PTPRT: variants seen among roughly 807,000 people sequenced by gnomAD.
PTPRT encodes receptor-type tyrosine-protein phosphatase T.
PTPRT carries 56 observed loss-of-function variants against 176.8 expected under a neutral mutation model. The observed-to-expected ratio is 0.32, with a 90% confidence interval of 0.26 to 0.40. The LOEUF is 0.40. PTPRT is among the 10% of genes least tolerant of loss of function. The pLI is 1.00. For synonymous variants in PTPRT, 783 were observed against 739.0 expected, an observed-to-expected ratio of 1.06 and a Z score of -0.96; for missense variants, 1,540 against 1,908.2, an observed-to-expected ratio of 0.81 and a Z score of 3.60.
At chr20:42,316,125 C>A (rs1568767931) in intron 11 of PTPRT, 129 bp from the exon 12 acceptor site, 1 of 1,042,314 alleles carries the variant, frequency 9.6e-7, no homozygotes, top group Non-Finnish European at 1.4e-6. Context: ...AAACTCCAGT[C>A]CTGAGCATCA....
intron 1 of PTPRT, among the ~76,000 whole-genome samples, chr20:42,922,681 G>A (rs1346706972): frequency 6.6e-6 from 1 of 152,100 alleles, no homozygotes; most frequent in African/African-American, 2.4e-5. Context: ...TGTCCTACAG[G>A]AATCTTGATT....
chr20:42,571,887 A>G (rs898301241), intron 7 of PTPRT, among the ~76,000 whole-genome samples: 1 of 152,164 alleles, frequency 6.6e-6, no homozygotes, highest in African/African-American at 2.4e-5. Context: ...GCCTCTTGGC[A>G]GCCACAGCTT....
intron 13 of PTPRT, chr20:42,270,493 G>T: frequency 6.5e-7 from 1 of 1,537,896 alleles, no homozygotes; most frequent in Non-Finnish European, 8.8e-7. Flanking sequence ...GCATGCAGAA[G>T]AGAAGGAGAG....
intron 7 of PTPRT, among the ~76,000 whole-genome samples, chr20:42,553,671 A>C (rs6016824): frequency 6.6e-6 from 1 of 151,746 alleles, no homozygotes; most frequent in African/African-American, 2.4e-5. Flanking sequence ...ACTTTTACAC[A>C]CACCTTTTTA....
intron 1 of PTPRT, among the ~76,000 whole-genome samples, chr20:43,013,655 C>T (rs1985237814): frequency 6.6e-6 from 1 of 152,166 alleles, no homozygotes; most frequent in Non-Finnish European, 1.5e-5. Flanking sequence ...ACAGGATAAG[C>T]ACTCCTTGAA....
chr20:42,751,721 T>G (rs1000510344), intron 6 of PTPRT, among the ~76,000 whole-genome samples: 2 of 152,104 alleles, frequency 1.3e-5, no homozygotes, highest in Non-Finnish European at 2.9e-5. Flanking sequence ...GGCCTCAACT[T>G]CTTTGGCTTT....
At chr20:42,952,385 C>T (rs556867378) in intron 1 of PTPRT, among the ~76,000 whole-genome samples, 41 of 152,274 alleles carry the variant, frequency 2.7e-4, no homozygotes, top group Middle Eastern at 3.4e-3. Flanking sequence ...ACAGTGAGAA[C>T]AAAAATAAGA....
chr20:43,010,695 C>T (rs1051585153), intron 1 of PTPRT, among the ~76,000 whole-genome samples: 10 of 148,526 alleles, frequency 6.7e-5, no homozygotes, highest in Admixed American at 1.3e-4. Flanking sequence ...GCATCAGCTA[C>T]GAACACAGAG....
chr20:42,765,137 T>A (rs2076965086), intron 5 of PTPRT, among the ~76,000 whole-genome samples: 1 of 152,176 alleles, frequency 6.6e-6, no homozygotes, highest in Non-Finnish European at 1.5e-5. Flanking sequence ...CCTACAGAGA[T>A]CTGCACAGGG....
intron 2 of PTPRT, among the ~76,000 whole-genome samples, chr20:42,801,626 CA>C (rs1466113226): frequency 6.6e-6 from 1 of 152,104 alleles, no homozygotes; most frequent in African/African-American, 2.4e-5. Context: ...TCTAAAGAGC[CA>C]TTACAGGAAT....
chr20:42,837,814 G>A (rs1311733402), intron 2 of PTPRT, among the ~76,000 whole-genome samples: 1 of 152,108 alleles, frequency 6.6e-6, no homozygotes, highest in Non-Finnish European at 1.5e-5. Context: ...TGGTGGCAAA[G>A]GAGAAAATAG....
chr20:42,683,038 A>G (rs1250972069), intron 6 of PTPRT, among the ~76,000 whole-genome samples: 1 of 152,140 alleles, frequency 6.6e-6, no homozygotes, highest in Non-Finnish European at 1.5e-5. Flanking sequence ...AGGTGAGTGT[A>G]ACCTAGCCTC....
At chr20:42,987,652 C>T (rs1006227905) in intron 1 of PTPRT, among the ~76,000 whole-genome samples, 7 of 152,116 alleles carry the variant, frequency 4.6e-5, no homozygotes, top group Non-Finnish European at 8.8e-5. Context: ...ACCCCTCCCC[C>T]ACAGTTTCCT....
chr20:42,800,904 C>T (rs2077521243), intron 2 of PTPRT, among the ~76,000 whole-genome samples: 1 of 152,156 alleles, frequency 6.6e-6, no homozygotes, highest in Non-Finnish European at 1.5e-5. Flanking sequence ...CCCTTCCCCT[C>T]ACCTGAGGCT....
chr20:43,126,469 C>T (rs1381047658), intron 1 of PTPRT, among the ~76,000 whole-genome samples: 2 of 152,110 alleles, frequency 1.3e-5, no homozygotes, highest in Non-Finnish European at 2.9e-5. Context: ...ATGCACTTGC[C>T]CACTGTTATA....
At chr20:42,212,294 T>A (rs1600683902) in intron 15 of PTPRT, among the ~76,000 whole-genome samples, 3 of 93,546 alleles carry the variant, frequency 3.2e-5, no homozygotes, top group Non-Finnish European at 4.3e-5. Context: ...CCCTAAAACT[T>A]AAAGTATAAA....
intron 2 of PTPRT, among the ~76,000 whole-genome samples, chr20:42,794,469 G>C (rs62205411): frequency 6.6e-6 from 1 of 152,068 alleles, no homozygotes; most frequent in Non-Finnish European, 1.5e-5. Flanking sequence ...CCAGGTGATC[G>C]GCATGTACAT....
intron 11 of PTPRT, among the ~76,000 whole-genome samples, chr20:42,336,834 A>T (rs2058047090): frequency 6.6e-6 from 1 of 152,218 alleles, no homozygotes; most frequent in South Asian, 2.1e-4. Context: ...GGATTAGCTA[A>T]AACTGACTGC....
intron 17 of PTPRT, among the ~76,000 whole-genome samples, chr20:42,144,663 A>G (rs1988782448): frequency 6.6e-6 from 1 of 152,194 alleles, no homozygotes; most frequent in Non-Finnish European, 1.5e-5. Context: ...TGATTATCAG[A>G]CCATGTTTTG....
Sources: gnomAD v4.1 joint callset for allele counts (sites outside exome capture counted in the v4.1 genomes callset) on GRCh38, gnomAD v4.1.1 for gene constraint, MANE v1.5 for transcripts, NCBI Gene and HGNC (gene_info 2026-07-23, HGNC 2026-07-21) for gene names.